Variants in KIAA1328 observed in about 807,000 individuals in gnomAD.
The protein encoded by KIAA1328 is protein hinderin.
In KIAA1328, 52 loss-of-function variants were observed where a neutral mutation model predicts 68.1. That is an observed-to-expected ratio of 0.76 (90% CI 0.61 to 0.96). The LOEUF is 0.96. Ranked by LOEUF, KIAA1328 falls within the 40% of genes least tolerant of loss-of-function variation. The pLI is 0.00. For synonymous variants in KIAA1328, 232 were observed against 239.4 expected, an observed-to-expected ratio of 0.97 and a Z score of 0.28; for missense variants, 641 against 677.6, an observed-to-expected ratio of 0.95 and a Z score of 0.60.
chr18:37,194,749 C>T (rs2059971718), intron 9 of KIAA1328, among the ~76,000 whole-genome samples: 1 of 152,132 alleles, frequency 6.6e-6, no homozygotes, highest in African/African-American at 2.4e-5. Context: ...CAACCTCCAC[C>T]TCCCGGGTTC....
chr18:36,913,829 G>T (rs1345437531), intron 5 of KIAA1328, among the ~76,000 whole-genome samples: 1 of 152,120 alleles, frequency 6.6e-6, no homozygotes, highest in African/African-American at 2.4e-5. Flanking sequence ...GACAAATGGT[G>T]TCAGAAGTGG....
At chr18:36,969,305 T>C (rs955409531) in intron 6 of KIAA1328, among the ~76,000 whole-genome samples, 1 of 150,788 alleles carries the variant, frequency 6.6e-6, no homozygotes, top group Admixed American at 6.6e-5. Context: ...CTGAAGGAGA[T>C]TGAAACACAA....
intron 6 of KIAA1328, among the ~76,000 whole-genome samples, chr18:37,008,149 G>A (rs2151479351): frequency 6.6e-6 from 1 of 152,344 alleles, no homozygotes; most frequent in South Asian, 2.1e-4. Context: ...TGCATCTGCA[G>A]TGCCACAAGA....
intron 4 of KIAA1328, among the ~76,000 whole-genome samples, chr18:36,857,002 T>C (rs1447140037): frequency 6.6e-6 from 1 of 152,178 alleles, no homozygotes; most frequent in Admixed American, 6.5e-5. Flanking sequence ...ACATACTCTC[T>C]CAGTCATTTT....
chr18:37,221,782 T>C (rs559373046), intron 9 of KIAA1328, among the ~76,000 whole-genome samples: 1 of 152,292 alleles, frequency 6.6e-6, no homozygotes, highest in Admixed American at 6.5e-5. Context: ...CTTCATAAGT[T>C]ATAAAGGAAT....
chr18:36,936,118 G>GT (rs1202700516), intron 5 of KIAA1328, among the ~76,000 whole-genome samples: 2 of 152,000 alleles, frequency 1.3e-5, no homozygotes, highest in Non-Finnish European at 2.9e-5. Context: ...TATTGCTAGG[G>GT]TTTTTTCTTT....
chr18:36,894,270 A>C (rs2048798613), intron 5 of KIAA1328, among the ~76,000 whole-genome samples: 1 of 152,198 alleles, frequency 6.6e-6, no homozygotes, highest in Non-Finnish European at 1.5e-5. Context: ...AGATGGTTAA[A>C]AAATTTTTTG....
rs1286981125 is a variant in KIAA1328 at position 36,973,229 on chromosome 18, A to ATCT, written c.576+13794_576+13795insTCT. ...CTGAGCAAACTATCCCAAGGACAGAAAACCAAACTCCGCATGTTCTCACTC... is the reference window on the plus strand; with the variant it reads ...CTGAGCAAACTATCCCAAGGACAGAATCTAACCAAACTCCGCATGTTCTCACTC... On this transcript the variant is annotated intron_variant, in intron 6 of 9. Transcript: ENST00000280020. Among the ~76,000 whole-genome samples, 4 of 152,174 alleles carry ATCT rather than the reference A, an allele frequency of 2.6e-5. No individual in the cohort carries two copies. The East Asian group carries it at 7.8e-4, about 30-fold the overall frequency.
chr18:37,205,826 G>T (rs983252934), intron 9 of KIAA1328, among the ~76,000 whole-genome samples: 5 of 152,154 alleles, frequency 3.3e-5, no homozygotes, highest in Non-Finnish European at 7.4e-5. Context: ...GGGACCATGA[G>T]GTCCAGCAGG....
At chr18:36,868,808 G>A (rs1433130528) in intron 4 of KIAA1328, among the ~76,000 whole-genome samples, 1 of 152,120 alleles carries the variant, frequency 6.6e-6, no homozygotes, top group Non-Finnish European at 1.5e-5. Flanking sequence ...CAGATACATT[G>A]ATTTTTCCCA....
chr18:37,144,032 A>T (rs1420538589), intron 7 of KIAA1328, among the ~76,000 whole-genome samples: 2 of 152,170 alleles, frequency 1.3e-5, no homozygotes, highest in African/African-American at 4.8e-5. Flanking sequence ...AAAATTTACC[A>T]GTGAAGCTAT....
intron 6 of KIAA1328, among the ~76,000 whole-genome samples, chr18:36,984,234 A>G (rs1176659937): frequency 6.6e-6 from 1 of 152,196 alleles, no homozygotes. Flanking sequence ...TCTATTCAAC[A>G]TTGTACTGAA....
intron 5 of KIAA1328, among the ~76,000 whole-genome samples, chr18:36,928,399 G>T (rs953765743): frequency 2.0e-5 from 3 of 152,054 alleles, no homozygotes; most frequent in Non-Finnish European, 2.9e-5. Context: ...TGACTTTATT[G>T]TATCTCAGTT....
chr18:36,897,979 A>G (rs1416918213), intron 5 of KIAA1328, among the ~76,000 whole-genome samples: 1 of 152,048 alleles, frequency 6.6e-6, no homozygotes, highest in Non-Finnish European at 1.5e-5. Context: ...ATTTATCTCA[A>G]TGAAATAAGA....
chr18:36,996,639 G>A (rs1568269729), intron 6 of KIAA1328, among the ~76,000 whole-genome samples: 1 of 152,044 alleles, frequency 6.6e-6, no homozygotes, highest in Non-Finnish European at 1.5e-5. Flanking sequence ...TGAATAAATG[G>A]GGATGAGGGC....
At chr18:36,937,033 C>T (rs1165632900) in intron 5 of KIAA1328, among the ~76,000 whole-genome samples, 1 of 152,096 alleles carries the variant, frequency 6.6e-6, no homozygotes, top group Non-Finnish European at 1.5e-5. Context: ...TGGAGCAAAA[C>T]AGAAACCTCA....
chr18:36,899,023 A>G (rs898887279), intron 5 of KIAA1328, among the ~76,000 whole-genome samples: 1 of 151,976 alleles, frequency 6.6e-6, no homozygotes, highest in African/African-American at 2.4e-5. Context: ...ATTAGGTATT[A>G]ACTGGAAGTG....
chr18:36,915,068 G>C (rs558530602), intron 5 of KIAA1328, among the ~76,000 whole-genome samples: 1 of 152,296 alleles, frequency 6.6e-6, no homozygotes, highest in Admixed American at 6.5e-5. Context: ...AGTTAAAGGA[G>C]CTAGAATGCT....
At chr18:37,184,906 G>A (rs2059765234) in intron 9 of KIAA1328, among the ~76,000 whole-genome samples, 1 of 152,142 alleles carries the variant, frequency 6.6e-6, no homozygotes, top group Admixed American at 6.5e-5. Flanking sequence ...GCTCATGCCT[G>A]TAATCCCAGC....
Sources: allele counts gnomAD v4.1 joint callset (sites outside exome capture counted in the v4.1 genomes callset), GRCh38; gene constraint gnomAD v4.1.1; transcripts MANE v1.5; gene names NCBI Gene and HGNC (gene_info 2026-07-23, HGNC 2026-07-21).